PCDH15: variants seen among roughly 807,000 people sequenced by gnomAD.
PCDH15 encodes the protein protocadherin-15.
In PCDH15, 129 loss-of-function variants were observed where a neutral mutation model predicts 178.5. The ratio of observed to expected loss-of-function variants is 0.72; its 90% CI spans 0.63 to 0.84. The LOEUF (loss-of-function observed/expected upper bound fraction) is 0.84, where lower values mean the gene tolerates loss of function less well. Among genes scored for constraint, PCDH15 ranks in the 40% least tolerant of loss-of-function variants. PCDH15 has a pLI of 0.00. For synonymous variants in PCDH15, 800 were observed against 732.0 expected (o/e 1.09, Z -1.50); for missense variants, 2,230 against 2,099.9 (o/e 1.06, Z -1.21).
intron 2 of PCDH15, among the ~76,000 whole-genome samples, chr10:55,060,927 A>AT (rs558926465): frequency 6.6e-6 from 1 of 152,092 alleles, no homozygotes; most frequent in Non-Finnish European, 1.5e-5. Context: ...CAAAAACAAA[A>AT]TAAAAATTAA....
intron 2 of PCDH15, among the ~76,000 whole-genome samples, chr10:54,975,409 A>C (rs1839045087): frequency 6.6e-6 from 1 of 152,208 alleles, no homozygotes; most frequent in Non-Finnish European, 1.5e-5. Context: ...ATAAGGACTT[A>C]ATATTTTATT....
At chr10:55,336,124 GAAAA>G (rs748988261) in intron 2 of PCDH15, among the ~76,000 whole-genome samples, 1,973 of 59,110 alleles carry the variant, frequency 0.033, 35 homozygotes, top group African/African-American at 0.075. Context: ...CTTGGTATTT[GAAAA>G]AAAAAAAAAA....
At chr10:54,070,643 T>A (rs1421602842) in intron 17 of PCDH15, among the ~76,000 whole-genome samples, 1 of 152,122 alleles carries the variant, frequency 6.6e-6, no homozygotes, top group Admixed American at 6.6e-5. Flanking sequence ...CAGGCTGGAG[T>A]GCAGTATGTG....
chr10:53,982,212 A>T (rs2090708665), intron 21 of PCDH15, among the ~76,000 whole-genome samples: 2 of 152,186 alleles, frequency 1.3e-5, no homozygotes, highest in Non-Finnish European at 2.9e-5. Context: ...ACACTTTTAC[A>T]CTGTTGGTGG....
chr10:54,761,657 T>G (rs1591501008), intron 1 of PCDH15, among the ~76,000 whole-genome samples: 2 of 151,030 alleles, frequency 1.3e-5, no homozygotes, highest in East Asian at 3.9e-4. Flanking sequence ...CACTCCAGCC[T>G]GGGCAACATA....
intron 3 of PCDH15, among the ~76,000 whole-genome samples, chr10:54,847,687 T>C (rs1953539241): frequency 6.6e-6 from 1 of 152,202 alleles, no homozygotes; most frequent in Non-Finnish European, 1.5e-5. Flanking sequence ...TACTTACAAA[T>C]TAAATTTGAT....
At chr10:54,966,687 T>C (rs901165875) in intron 2 of PCDH15, among the ~76,000 whole-genome samples, 1 of 152,094 alleles carries the variant, frequency 6.6e-6, no homozygotes, top group African/African-American at 2.4e-5. Flanking sequence ...CTCATGGTAG[T>C]GAATAAGTCT....
At chr10:54,718,494 G>T (rs7096495) in intron 1 of PCDH15, among the ~76,000 whole-genome samples, 18,397 of 151,604 alleles carry the variant, frequency 0.12, 1,212 homozygotes, top group African/African-American at 0.17. Context: ...AAAGCACCCA[G>T]AACCAAAGCC....
At chr10:54,446,058 T>C (rs2076125236) in intron 3 of PCDH15, among the ~76,000 whole-genome samples, 2 of 151,548 alleles carry the variant, frequency 1.3e-5, no homozygotes, top group African/African-American at 4.8e-5. Context: ...AAAGGGCAGA[T>C]TTTTTCTCAC....
intron 2 of PCDH15, among the ~76,000 whole-genome samples, chr10:54,975,386 T>C (rs1442596644): frequency 6.6e-6 from 1 of 152,040 alleles, no homozygotes; most frequent in East Asian, 1.9e-4. Context: ...TCTAGAAGAG[T>C]TGCTGGCACA....
At chr10:54,883,371 C>T (rs1186123957) in intron 3 of PCDH15, among the ~76,000 whole-genome samples, 1 of 151,998 alleles carries the variant, frequency 6.6e-6, no homozygotes, top group Non-Finnish European at 1.5e-5. Flanking sequence ...TTTTATAATA[C>T]ATTTTTACTG....
intron 2 of PCDH15, among the ~76,000 whole-genome samples, chr10:54,569,133 A>G (rs866458754): frequency 6.6e-6 from 1 of 152,056 alleles, no homozygotes; most frequent in African/African-American, 2.4e-5. Flanking sequence ...AACCCAAGAA[A>G]TTAAAAAACT....
At chr10:55,328,975 C>G (rs1347801603) in intron 2 of PCDH15, among the ~76,000 whole-genome samples, 3 of 138,112 alleles carry the variant, frequency 2.2e-5, no homozygotes, top group Non-Finnish European at 4.7e-5. Context: ...GGGATGTACA[C>G]AAACATTTGG....
At chr10:55,181,556 G>A (rs1839647804) in intron 1 of PCDH15, among the ~76,000 whole-genome samples, 1 of 151,832 alleles carries the variant, frequency 6.6e-6, no homozygotes. Flanking sequence ...TTCATTGTTA[G>A]TTTTTAAGGA....
chr10:53,846,799 T>A (rs1345999856), intron 28 of PCDH15, among the ~76,000 whole-genome samples: 2 of 152,026 alleles, frequency 1.3e-5, no homozygotes, highest in Non-Finnish European at 2.9e-5. Flanking sequence ...TTGATTTAGC[T>A]TTTTATTTAT....
rs11377394 is a variant in PCDH15, at chr10:54,200,269, CTTT to C, written c.1099-4383_1099-4381del. On this transcript the variant is annotated intron_variant, in intron 10 of 37. Coordinates refer to ENST00000644397, the MANE Select transcript of PCDH15 (RefSeq NM_001384140.1). ...ATTTATTGTGCATCTACAGAGCCCA[CTTT>C]TTTTTTTTTTTTTTTTTTGTATTTT... Among the ~76,000 whole-genome samples, 739 of 106,066 alleles carry C rather than the reference CTTT, an allele frequency of 7.0e-3. 6 individuals are homozygous for C. Among genetic ancestry groups the C allele is most frequent in the African/African-American group, 0.022 (601 of 27,460 alleles). The allele number at this position is 106,066 out of a possible 152,430, so 69.6% of individuals were successfully genotyped here.
At chr10:54,145,328 A>T (rs1194261430) in intron 14 of PCDH15, among the ~76,000 whole-genome samples, 1 of 152,024 alleles carries the variant, frequency 6.6e-6, no homozygotes, top group East Asian at 1.9e-4. Context: ...TCTATTTGTA[A>T]TTCTGCATTT....
intron 3 of PCDH15, among the ~76,000 whole-genome samples, chr10:54,406,841 C>T (rs1952742363): frequency 1.3e-5 from 2 of 152,130 alleles, no homozygotes; most frequent in Admixed American, 6.6e-5. Flanking sequence ...TCATAACCTG[C>T]TATGAAACAA....
At chr10:54,754,992 A>G (rs1369862238) in intron 1 of PCDH15, among the ~76,000 whole-genome samples, 1 of 117,178 alleles carries the variant, frequency 8.5e-6, no homozygotes, top group Non-Finnish European at 1.6e-5. Context: ...TCTGTCACCC[A>G]GGCTGAAGTG....
Sources: allele counts gnomAD v4.1 joint callset (sites outside exome capture counted in the v4.1 genomes callset), GRCh38; gene constraint gnomAD v4.1.1; transcripts MANE v1.5; gene names NCBI Gene and HGNC (gene_info 2026-07-23, HGNC 2026-07-21).